Variants in TBKBP1 observed in about 807,000 individuals in gnomAD.
TBKBP1 encodes TBK1 binding protein 1, also known as TANK-binding kinase 1-binding protein 1.
TBKBP1 carries 47 observed loss-of-function variants against 69.9 expected under a neutral mutation model. The ratio of observed to expected loss-of-function variants is 0.67; its 90% CI spans 0.53 to 0.86. TBKBP1 has a LOEUF of 0.86. TBKBP1 is among the 40% of genes least tolerant of loss of function. The pLI is 0.00. For synonymous variants in TBKBP1, 418 were observed against 390.3 expected, an observed-to-expected ratio of 1.07 and a Z score of -0.84; for missense variants, 831 against 858.6, an observed-to-expected ratio of 0.97 and a Z score of 0.40.
rs191499001 is a variant in TBKBP1, at chr17:47,703,835, C to T, written c.872+4138C>T. 2.8e-3 allele frequency among the ~76,000 whole-genome samples: 429 copies of T among 152,208 alleles called. 1 individual carries two copies. Among genetic ancestry groups the T allele is most frequent in the African/African-American group, 9.7e-3 (404 of 41,516 alleles). ...CACAAACGTGATGTAGGTATTGTCC[C>T]CCTTTTACAGATGAGCAAACTGAGG... On this transcript the variant is annotated intron_variant, in intron 7 of 9. Transcript: ENST00000578982.
chr17:47,694,893 G>GC (rs945969611), intron 1 of TBKBP1, among the ~76,000 whole-genome samples: 1 of 151,174 alleles, frequency 6.6e-6, no homozygotes, highest in Non-Finnish European at 1.5e-5. Context: ...GGCGGAGGGG[G>GC]GGGGGTGGAT....
intron 7 of TBKBP1, among the ~76,000 whole-genome samples, 182 bp downstream of exon 7, chr17:47,699,879 A>G (rs1056800994): frequency 2.0e-5 from 3 of 150,208 alleles, no homozygotes; most frequent in Middle Eastern, 3.2e-3. Flanking sequence ...CTGGAGTGCA[A>G]TGGCGTGATC....
Position 47,709,148 on chromosome 17 carries a change from C to G in TBKBP1, c.1415C>G (p.Ala472Gly). The G allele has an allele frequency of 7.1e-7, 1 of 1,403,616 alleles. No individual in the cohort carries two copies. Among genetic ancestry groups the G allele is most frequent in the Non-Finnish European group, 9.2e-7 (1 of 1,088,474 alleles). The allele number at this position is 1,403,616 out of a possible 1,614,324, so 86.9% of individuals were successfully genotyped here. A position where few individuals can be genotyped will look rare whatever the true frequency, so the allele number is the denominator to read the frequency against. ...YSELAEGAAY[A>G]GASPPWLQAE... The stretch of plus-strand genomic sequence containing the variant: ...GAGCTGGCGGAGGGCGCGGCCTACG[C>G]GGGCGCCTCCCCGCCCTGGCTGCAG... Residue 472 changes from alanine to glycine, a missense_variant, in exon 9 of 10, where the codon GCG becomes GGG. By Grantham distance (60) the Ala-to-Gly change is moderately conservative (BLOSUM62 0). Coordinates refer to ENST00000578982, the MANE Select transcript of TBKBP1 (RefSeq NM_001394755.1).
At position 47,709,046 on chromosome 17, in the gene TBKBP1, CG is replaced by C; in HGVS notation, c.1314del (p.Leu439TrpfsTer14). 1 of 1,306,836 alleles carries C rather than the reference CG, an allele frequency of 7.7e-7. No homozygotes were observed. Among genetic ancestry groups the C allele is most frequent in the Non-Finnish European group, 9.7e-7 (1 of 1,026,756 alleles). The allele number at this position is 1,306,836 out of a possible 1,614,324, so 81.0% of individuals were successfully genotyped here. A position where few individuals can be genotyped will look rare whatever the true frequency, so the allele number is the denominator to read the frequency against. On this transcript the variant is annotated frameshift_variant, in exon 9 of 10. Coordinates refer to ENST00000578982, the MANE Select transcript of TBKBP1 (RefSeq NM_001394755.1). LOFTEE classifies it high-confidence loss of function. ...CCGCCGCCCCCGCCGGGCGAGAGGA[CG>C]CTGGCCGAGCGCGCCTACGCCAAGC... Reference protein sequence around the residue: ...PPPPPPPGERTLAERAYAKPP... With the variant: ...PPPPPPPGERXLAERAYAKPP...
At chr17:47,694,734 T>G (rs1259399816) in intron 1 of TBKBP1, 4 of 131,346 alleles carry the variant, frequency 3.0e-5, no homozygotes, top group African/African-American at 8.6e-5. Flanking sequence ...TGGGGGGGTG[T>G]GGTAAGCGCT....
chr17:47,706,562 C>T (rs1438459569), intron 7 of TBKBP1, among the ~76,000 whole-genome samples: 2 of 152,164 alleles, frequency 1.3e-5, no homozygotes, highest in African/African-American at 4.8e-5. Context: ...CAGCCCTGCT[C>T]ACCATCAGAT....
rs1555623938 is a variant in TBKBP1, at chr17:47,710,632, C to T, written c.*6C>T. ...TGGAGAACAGCAAGATCTAGGGCAC[C>T]AGCCCCACCCACTGGCTGTTTCTCC... On this transcript the variant is annotated 3_prime_UTR_variant, in exon 10 of 10. Coordinates refer to ENST00000578982, the MANE Select transcript of TBKBP1 (RefSeq NM_001394755.1). The T allele has an allele frequency of 8.2e-6, 13 of 1,592,416 alleles. No homozygotes were observed. Among genetic ancestry groups the T allele is most frequent in the Admixed American group, 3.4e-5 (2 of 59,646 alleles).
At chr17:47,698,444 T>C in intron 4 of TBKBP1, 151 bp from the exon 5 acceptor site, 9 of 778,944 alleles carry the variant, frequency 1.2e-5, no homozygotes, top group Non-Finnish European at 1.8e-5. Context: ...TGCATTGCGG[T>C]GGCTGAGAGG....
At position 47,709,058 on chromosome 17, in the gene TBKBP1, G is replaced by T; in HGVS notation, c.1325G>T (p.Arg442Leu). Residue 442 changes from arginine to leucine, a missense_variant, in exon 9 of 10, where the codon CGC becomes CTC. Arg to Leu is a moderately radical substitution (Grantham distance 102). Coordinates refer to ENST00000578982, the MANE Select transcript of TBKBP1 (RefSeq NM_001394755.1). ...CCGGGCGAGAGGACGCTGGCCGAGC[G>T]CGCCTACGCCAAGCCGCCCAGCCAC... ...PPPGERTLAERAYAKPPSHHV... is the reference protein window; with the variant it reads ...PPPGERTLAELAYAKPPSHHV... 7.5e-7 allele frequency: 1 copy of T among 1,326,850 alleles called. No homozygotes were observed. Among genetic ancestry groups the T allele is most frequent in the South Asian group, 1.7e-5 (1 of 57,542 alleles). 82.2% of individuals were successfully genotyped at this position (1,326,850 alleles called of 1,614,324 possible).
chr17:47,694,789 T>G (rs2031143143), intron 1 of TBKBP1: 1 of 148,110 alleles, frequency 6.8e-6, no homozygotes, highest in Non-Finnish European at 1.5e-5. Context: ...AAGGAGAGGG[T>G]TAAAGGTGGG....
In TBKBP1 at chr17:47,702,923, G is replaced by A. The variant is rs1346089180; in HGVS notation, c.872+3226G>A. 3.4e-5 allele frequency among the ~76,000 whole-genome samples: 5 copies of A among 148,316 alleles called. No individual in the cohort carries two copies. The East Asian group carries it at 1.0e-3, about 31-fold the overall frequency. ...CCTTCTCTCTGGGCCCAGCTCCCCA[G>A]CCTGGGGTTCCAGAGTGGGGCCTTT... On this transcript the variant is annotated intron_variant, in intron 7 of 9. Transcript: ENST00000578982.
Position 47,710,746 on chromosome 17 carries a change from A to G in TBKBP1, c.*120A>G. The G allele has an allele frequency of 7.2e-7, 1 of 1,381,924 alleles. No individual in the cohort carries two copies. Among genetic ancestry groups the G allele is most frequent in the Non-Finnish European group, 9.8e-7 (1 of 1,015,562 alleles). The allele number at this position is 1,381,924 out of a possible 1,614,324, so 85.6% of individuals were successfully genotyped here. ...GCCCTTGCGACCCCCAGATACCTCC[A>G]CTTGCTACCGAGTCAACGTGTGTGC... On this transcript the variant is annotated 3_prime_UTR_variant, in exon 10 of 10. Transcript: ENST00000578982.
Position 47,711,884 on chromosome 17 carries a change from G to C in TBKBP1, c.*1258G>C, listed in dbSNP as rs1392581781. On this transcript the variant is annotated 3_prime_UTR_variant, in exon 10 of 10. Coordinates refer to ENST00000578982, the MANE Select transcript of TBKBP1 (RefSeq NM_001394755.1). Reference sequence around the variant, plus strand: ...CCTCCCTGCACCCCTCCCCTCTATAGAGCAGGGGAGTGAAGGGGTATGTCA... The same window carrying C: ...CCTCCCTGCACCCCTCCCCTCTATACAGCAGGGGAGTGAAGGGGTATGTCA... 1 of 152,682 alleles carries C rather than the reference G, an allele frequency of 6.5e-6. No homozygotes were observed. The highest frequency in any genetic ancestry group is 2.4e-5 in the African/African-American group (1 of 41,438). 9.5% of individuals were successfully genotyped at this position (152,682 alleles called of 1,614,324 possible). A position where few individuals can be genotyped will look rare whatever the true frequency, so the allele number is the denominator to read the frequency against.
Position 47,698,998 on chromosome 17 carries a change from T to G in TBKBP1, c.634+223T>G, listed in dbSNP as rs572195939. 2.0e-5 allele frequency among the ~76,000 whole-genome samples: 3 copies of G among 152,190 alleles called. No homozygotes were observed. In the East Asian group the frequency reaches 5.8e-4, roughly 29 times the overall value. ...ATCACCTCGTTGCAATTCCTGTGCC[T>G]GCCAGCAGAGGGCGCCCCCACCCAG... On this transcript the variant is annotated intron_variant, in intron 5 of 9. Coordinates refer to ENST00000578982, the MANE Select transcript of TBKBP1 (RefSeq NM_001394755.1).
At position 47,709,367 on chromosome 17, in the gene TBKBP1, T is replaced by C; in HGVS notation, c.1634T>C (p.Phe545Ser). 1.3e-6 allele frequency: 2 copies of C among 1,528,362 alleles called. No homozygotes were observed. Among genetic ancestry groups the C allele is most frequent in the Middle Eastern group, 2.1e-4 (1 of 4,718 alleles). The allele number at this position is 1,528,362 out of a possible 1,614,324, so 94.7% of individuals were successfully genotyped here. Reference protein sequence around the residue: ...PEVGTIRCASFCAGFPIPESP... With the variant: ...PEVGTIRCASSCAGFPIPESP... ...GTGGGCACCATCCGCTGCGCCTCCT[T>C]CTGCGCGGGCTTCCCCATCCCCGAG... Residue 545 changes from phenylalanine to serine, a missense_variant, in exon 9 of 10, where the codon TTC becomes TCC. Transcript: ENST00000578982.
rs1320168751 is a variant in TBKBP1 at position 47,710,826 on chromosome 17, G to A, written c.*200G>A. 7 of 686,558 alleles carry A rather than the reference G, an allele frequency of 1.0e-5. No individual in the cohort carries two copies. The highest frequency in any genetic ancestry group is 3.2e-5 in the East Asian group (1 of 31,420). 42.5% of individuals were successfully genotyped at this position (686,558 alleles called of 1,614,324 possible). On this transcript the variant is annotated 3_prime_UTR_variant, in exon 10 of 10. Transcript: ENST00000578982. ...TCTGGCTCTTCCTGGGAGGTCAGCC[G>A]AGGCTCCCCCCATGCTCCTGGTTTC...
chr17:47,709,180 GC>G lies in TBKBP1; in HGVS notation c.1448del (p.Ala483GlyfsTer93). 6.8e-7 allele frequency: 1 copy of G among 1,476,482 alleles called. No individual in the cohort carries two copies. The highest frequency in any genetic ancestry group is 8.9e-7 in the Non-Finnish European group (1 of 1,122,554). 91.5% of individuals were successfully genotyped at this position (1,476,482 alleles called of 1,614,324 possible). On this transcript the variant is annotated frameshift_variant, in exon 9 of 10. Transcript: ENST00000578982. LOFTEE classifies it high-confidence loss of function. ...CTCCCCGCCCTGGCTGCAGGCCGAA[GC>G]GGCCACTCTCCCCAAGCCCCGGGCC... The part of the protein sequence containing the change: ...GASPPWLQAE[A>X]ATLPKPRAYG...
At position 47,708,765 on chromosome 17, in the gene TBKBP1, C is replaced by G. The variant is rs1231431837; in HGVS notation, c.1032C>G (p.Ala344=). 3.6e-6 allele frequency: 4 copies of G among 1,122,610 alleles called. No individual in the cohort carries two copies. The highest frequency in any genetic ancestry group is 5.0e-6 in the Non-Finnish European group (4 of 796,352). 69.5% of individuals were successfully genotyped at this position (1,122,610 alleles called of 1,614,324 possible). ...CGCTGTCACAACGCCACTCCCCGGC[C>G]CCCCAGTGCCCCTCCCCCTCCCCGC... ...HSPLSQRHSP[A]PQCPSPSPPA... is the part of the protein sequence containing the mutation. Residue 344 remains alanine (A), a synonymous_variant, in exon 9 of 10, where the codon GCC becomes GCG. Transcript: ENST00000578982. This position sits in a 1 kb window ranked among gnomAD's most constrained non-coding sequence, Gnocchi z 4.4.
At position 47,708,836 on chromosome 17, in the gene TBKBP1, C is replaced by G. The variant is rs2031796616; in HGVS notation, c.1103C>G (p.Pro368Arg). Residue 368 changes from proline to arginine, a missense_variant, in exon 9 of 10, where the codon CCC (proline) becomes CGC (arginine). By Grantham distance (103) the Pro-to-Arg change is moderately radical. Coordinates refer to ENST00000578982, the MANE Select transcript of TBKBP1 (RefSeq NM_001394755.1). The surrounding 1 kb of genome is among the most constrained non-coding windows in gnomAD (Gnocchi z 4.4). ...PPCPPCQSPV[P>R]QRRSPVPPCP... ...TGCCCCCCGTGCCAGTCCCCCGTCC[C>G]CCAGCGCCGCTCTCCCGTGCCCCCG... 7.0e-7 allele frequency: 1 copy of G among 1,425,964 alleles called. No homozygotes were observed. The allele number at this position is 1,425,964 out of a possible 1,614,324, so 88.3% of individuals were successfully genotyped here.
Sources: allele counts gnomAD v4.1 joint callset (sites outside exome capture counted in the v4.1 genomes callset), GRCh38; gene constraint gnomAD v4.1.1; non-coding constraint Gnocchi (gnomAD v3.1); transcripts MANE v1.5; gene names NCBI Gene and HGNC (gene_info 2026-07-23, HGNC 2026-07-21).